Variants in GRID2 observed in about 807,000 individuals in gnomAD.
The protein encoded by GRID2 is glutamate receptor ionotropic, delta-2.
Under a neutral mutation model 114.8 loss-of-function variants are expected in GRID2, and 33 were observed. The ratio of observed to expected loss-of-function variants is 0.29; its 90% CI spans 0.22 to 0.38. GRID2 has a LOEUF of 0.38. Ranked by LOEUF, GRID2 falls within the 10% of genes least tolerant of loss-of-function variation. The pLI is 1.00. For synonymous variants in GRID2, 505 were observed against 449.9 expected (o/e 1.12, Z -1.55); for missense variants, 1,184 against 1,257.7 (o/e 0.94, Z 0.89).
intron 2 of GRID2, among the ~76,000 whole-genome samples, chr4:92,863,332 C>T (rs1023410890): frequency 6.6e-6 from 1 of 152,080 alleles, no homozygotes; most frequent in African/African-American, 2.4e-5. Context: ...GTACCTACCA[C>T]CTTTCATTAC....
intron 2 of GRID2, among the ~76,000 whole-genome samples, chr4:92,653,321 ATG>A (rs1491294985): frequency 7.1e-6 from 1 of 141,062 alleles, no homozygotes; most frequent in Non-Finnish European, 1.6e-5. Context: ...ACACACACAC[ATG>A]TGTCTGTGTG....
At chr4:93,647,360 A>T (rs1722202920) in intron 14 of GRID2, among the ~76,000 whole-genome samples, 1 of 152,178 alleles carries the variant, frequency 6.6e-6, no homozygotes, top group Non-Finnish European at 1.5e-5. Context: ...AATGGGCTCC[A>T]TGATTGCTCA....
intron 8 of GRID2, among the ~76,000 whole-genome samples, chr4:93,375,945 T>A (rs1763337435): frequency 6.6e-6 from 1 of 152,018 alleles, no homozygotes. Flanking sequence ...TGCCAGTGGA[T>A]TGGGTTTTCC....
chr4:93,595,502 A>G (rs1225606458), intron 13 of GRID2, among the ~76,000 whole-genome samples: 1 of 152,182 alleles, frequency 6.6e-6, no homozygotes, highest in Non-Finnish European at 1.5e-5. Flanking sequence ...ATACCTACTC[A>G]TGAAGTTATT....
chr4:92,466,688 T>C (rs1721767086), intron 1 of GRID2, among the ~76,000 whole-genome samples: 1 of 151,832 alleles, frequency 6.6e-6, no homozygotes, highest in Non-Finnish European at 1.5e-5. Context: ...CTCCATTCTC[T>C]ATATTGTACT....
At chr4:93,741,063 G>T (rs549844090) in intron 14 of GRID2, among the ~76,000 whole-genome samples, 1 of 149,480 alleles carries the variant, frequency 6.7e-6, no homozygotes, top group Non-Finnish European at 1.5e-5. Flanking sequence ...ATATATTAAG[G>T]CTGGTTTCAG....
chr4:93,212,057 A>G (rs1156738864), intron 5 of GRID2, among the ~76,000 whole-genome samples: 2 of 151,856 alleles, frequency 1.3e-5, no homozygotes, highest in African/African-American at 4.8e-5. Context: ...TTTCTATAAA[A>G]GAAAAAAAAA....
intron 10 of GRID2, among the ~76,000 whole-genome samples, chr4:93,447,726 G>A (rs1722223250): frequency 6.6e-6 from 1 of 151,788 alleles, no homozygotes; most frequent in Non-Finnish European, 1.5e-5. Flanking sequence ...GGAAAGAGTA[G>A]GCCAAATGAT....
chr4:92,759,380 T>A (rs1462767869), intron 2 of GRID2, among the ~76,000 whole-genome samples: 1 of 152,164 alleles, frequency 6.6e-6, no homozygotes, highest in Non-Finnish European at 1.5e-5. Flanking sequence ...CTTTCTAATT[T>A]TTTTTTACTT....
At chr4:92,826,298 T>G (rs562382868) in intron 2 of GRID2, among the ~76,000 whole-genome samples, 1 of 152,102 alleles carries the variant, frequency 6.6e-6, no homozygotes, top group East Asian at 1.9e-4. Flanking sequence ...CATGGATTGA[T>G]TCCTAAGACT....
chr4:92,473,964 TTGTGTG>T (rs59328379), intron 1 of GRID2, among the ~76,000 whole-genome samples: 29,076 of 144,064 alleles, frequency 0.2, 2,799 homozygotes, highest in Middle Eastern at 0.25. Context: ...GTTATCTTGG[TTGTGTG>T]TGTGTGTGTG....
At chr4:92,730,501 T>C (rs547127257) in intron 2 of GRID2, among the ~76,000 whole-genome samples, 1 of 152,118 alleles carries the variant, frequency 6.6e-6, no homozygotes, top group East Asian at 1.9e-4. Context: ...CTTCATTTTG[T>C]AGCCATTTTC....
chr4:92,730,128 C>G lies in GRID2; in HGVS notation c.244+139842C>G, dbSNP rs1344346659. Among the ~76,000 whole-genome samples the G allele has an allele frequency of 2.0e-5, 3 of 151,994 alleles. No individual in the cohort carries two copies. In the East Asian group the frequency reaches 5.8e-4, roughly 29 times the overall value. On this transcript the variant is annotated intron_variant, in intron 2 of 15. Coordinates refer to ENST00000282020, the MANE Select transcript of GRID2 (RefSeq NM_001510.4). Reference sequence around the variant, plus strand: ...TCACATAGAACTCCAGTTTATATTTCTTATTAAAGATTTTTCTTTTTATTT... The same window carrying G: ...TCACATAGAACTCCAGTTTATATTTGTTATTAAAGATTTTTCTTTTTATTT...
intron 1 of GRID2, among the ~76,000 whole-genome samples, chr4:92,571,050 T>C (rs1244731182): frequency 3.9e-5 from 6 of 152,052 alleles, no homozygotes; most frequent in Admixed American, 3.9e-4. Flanking sequence ...GTGCTTCCAG[T>C]TTTTGCCACT....
chr4:92,613,657 T>A (rs2149231207), intron 2 of GRID2, among the ~76,000 whole-genome samples: 1 of 151,562 alleles, frequency 6.6e-6, no homozygotes, highest in South Asian at 2.1e-4. Flanking sequence ...TTTGTCTATT[T>A]TATCTGCTCT....
intron 2 of GRID2, among the ~76,000 whole-genome samples, chr4:92,653,582 T>G (rs1256418846): frequency 6.6e-6 from 1 of 152,066 alleles, no homozygotes; most frequent in Non-Finnish European, 1.5e-5. Flanking sequence ...AAACTATGTC[T>G]TACTTTTCTA....
In GRID2 at chr4:92,565,246, C is replaced by G. The variant is rs1273322826; in HGVS notation, c.89-24885C>G. 2.0e-5 allele frequency among the ~76,000 whole-genome samples: 3 copies of G among 152,096 alleles called. No individual in the cohort carries two copies. In the East Asian group the frequency reaches 5.8e-4, roughly 29 times the overall value. On this transcript the variant is annotated intron_variant, in intron 1 of 15. Transcript: ENST00000282020. The stretch of plus-strand genomic sequence containing the variant: ...ATAGTGATCAATCAATGAGGAAATT[C>G]TCTGAAAGTGATGTTTCTTTACAAG...
chr4:92,375,045 G>A (rs1729290249), intron 1 of GRID2, among the ~76,000 whole-genome samples: 1 of 152,124 alleles, frequency 6.6e-6, no homozygotes, highest in Admixed American at 6.6e-5. Flanking sequence ...AAAATAGGCA[G>A]CCATGACAGT....
intron 8 of GRID2, among the ~76,000 whole-genome samples, chr4:93,299,160 A>G (rs1036489739): frequency 6.6e-6 from 1 of 152,200 alleles, no homozygotes; most frequent in African/African-American, 2.4e-5. Context: ...TGTACCTGAC[A>G]ACTTTCAATC....
Sources: gnomAD v4.1 joint callset for allele counts (sites outside exome capture counted in the v4.1 genomes callset) on GRCh38, gnomAD v4.1.1 for gene constraint, MANE v1.5 for transcripts, NCBI Gene and HGNC (gene_info 2026-07-23, HGNC 2026-07-21) for gene names.